ULK4: variants seen among roughly 807,000 people sequenced by gnomAD.
The protein encoded by ULK4 is unc-51 like kinase 4.
ULK4 carries 133 observed loss-of-function variants against 160.6 expected under a neutral mutation model. The observed-to-expected ratio is 0.83, with a 90% CI of 0.72 to 0.96. The LOEUF is 0.96. Among genes scored for constraint, ULK4 ranks in the 40% least tolerant of loss-of-function variants. ULK4 has a pLI of 0.00. For missense variants in ULK4, 1,580 were observed against 1,499.5 expected (o/e 1.05, Z -0.89); for synonymous variants, 534 against 539.8 (o/e 0.99, Z 0.15).
chr3:41,317,906 A>C (rs757421595), intron 35 of ULK4, among the ~76,000 whole-genome samples: 2 of 152,180 alleles, frequency 1.3e-5, no homozygotes, highest in Non-Finnish European at 2.9e-5. Context: ...AGTTGCTGCT[A>C]ATTCTTCTCC....
At chr3:41,771,241 A>C (rs958451434) in intron 21 of ULK4, among the ~76,000 whole-genome samples, 1 of 152,200 alleles carries the variant, frequency 6.6e-6, no homozygotes, top group Non-Finnish European at 1.5e-5. Flanking sequence ...GTAATGTTCA[A>C]AAGTTAATTA....
intron 34 of ULK4, among the ~76,000 whole-genome samples, chr3:41,431,456 T>A (rs1055393408): frequency 2.7e-5 from 4 of 150,314 alleles, no homozygotes; most frequent in Non-Finnish European, 5.9e-5. Context: ...GTAGGGGGTG[T>A]TTAACATATG....
At chr3:41,489,462 G>C (rs1418938093) in intron 32 of ULK4, among the ~76,000 whole-genome samples, 2 of 152,040 alleles carry the variant, frequency 1.3e-5, no homozygotes, top group Non-Finnish European at 2.9e-5. Flanking sequence ...TCATTCTCTT[G>C]CTTGGCCCCA....
At position 41,800,262 on chromosome 3, in the gene ULK4, T is replaced by C; in HGVS notation, c.1880A>G (p.Lys627Arg). 1 of 1,612,840 alleles carries C rather than the reference T, an allele frequency of 6.2e-7. No homozygotes were observed. Among genetic ancestry groups the C allele is most frequent in the Non-Finnish European group, 8.5e-7 (1 of 1,179,686 alleles). Residue 627 changes from lysine to arginine, a missense_variant, in exon 20 of 37, where the codon AAA becomes AGA. Transcript: ENST00000301831. ...GGTGGTACAGACATTTTCAATAATT[T>C]TTGCTGCCATGTGATTCACAACACG... is the stretch of plus-strand genomic sequence containing the variant. ...EERVVNHMAA[K>R]IIENVCTTFS...
chr3:41,331,221 G>T (rs1283105002), intron 35 of ULK4, among the ~76,000 whole-genome samples: 1 of 152,110 alleles, frequency 6.6e-6, no homozygotes, highest in Non-Finnish European at 1.5e-5. Flanking sequence ...TCCAGCTGGG[G>T]GCAGGGAGCA....
At chr3:41,488,886 G>T (rs2084642494) in intron 32 of ULK4, among the ~76,000 whole-genome samples, 1 of 151,944 alleles carries the variant, frequency 6.6e-6, no homozygotes, top group Non-Finnish European at 1.5e-5. Context: ...GAAAATCAAG[G>T]ATATAAAAAA....
rs7610814 is a variant in ULK4, at chr3:41,449,531, A to G, written c.3492+5966T>C. 7.0e-3 allele frequency among the ~76,000 whole-genome samples: 1,064 copies of G among 152,196 alleles called. 12 individuals carry two copies. The highest frequency in any genetic ancestry group is 0.024 in the African/African-American group (1,017 of 41,526). On this transcript the variant is annotated intron_variant, in intron 34 of 36. Coordinates refer to ENST00000301831, the MANE Select transcript of ULK4 (RefSeq NM_017886.4). The stretch of plus-strand genomic sequence containing the variant: ...TAAAATCCCCAATCTCTTGGGTTTG[A>G]CTTGCAAAAAGACTACTACTACCCC...
At chr3:41,672,091 C>T (rs181994611) in intron 29 of ULK4, among the ~76,000 whole-genome samples, 7 of 151,996 alleles carry the variant, frequency 4.6e-5, no homozygotes, top group East Asian at 1.9e-4. Context: ...GGCAAGGATG[C>T]GGAGAAAAGG....
intron 27 of ULK4, among the ~76,000 whole-genome samples, chr3:41,696,652 C>G (rs1443232570): frequency 6.6e-6 from 1 of 152,176 alleles, no homozygotes; most frequent in Non-Finnish European, 1.5e-5. Context: ...GAAAAACCCA[C>G]CGACCCTGTG....
intron 34 of ULK4, among the ~76,000 whole-genome samples, chr3:41,453,665 T>C (rs2083472409): frequency 6.6e-6 from 1 of 152,170 alleles, no homozygotes; most frequent in African/African-American, 2.4e-5. Context: ...GTCACACAGC[T>C]GGTAAGTGGC....
chr3:41,295,263 A>AG lies in ULK4; in HGVS notation c.3679-45690_3679-45689insC, dbSNP rs1317839104. ...ATCCACATGCAAAACATGAATGCAG[A>AG]CACAGATCTTTTACTCTCACAAAAA... On this transcript the variant is annotated intron_variant, in intron 35 of 36. Coordinates refer to ENST00000301831, the MANE Select transcript of ULK4 (RefSeq NM_017886.4). 3.5e-4 allele frequency among the ~76,000 whole-genome samples: 27 copies of AG among 77,828 alleles called. 9 individuals carry two copies. Among genetic ancestry groups the AG allele is most frequent in the South Asian group, 9.1e-4 (2 of 2,190 alleles). The allele number at this position is 77,828 out of a possible 152,430, so 51.1% of individuals were successfully genotyped here. A position where few individuals can be genotyped will look rare whatever the true frequency, so the allele number is the denominator to read the frequency against.
At position 41,394,446 on chromosome 3, in the gene ULK4, CCAAA is replaced by C. The variant is rs919239896; in HGVS notation, c.3678+3629_3678+3632del. 4.6e-5 allele frequency among the ~76,000 whole-genome samples: 7 copies of C among 152,208 alleles called. 1 individual carries two copies. The highest frequency in any genetic ancestry group is 7.2e-5 in the African/African-American group (3 of 41,554). ...AAATGCATTTAGTACACCTAACCTG[CCAAA>C]CATCATGGCCCAGCATACCTTAAAT... On this transcript the variant is annotated intron_variant, in intron 35 of 36. Transcript: ENST00000301831.
At chr3:41,828,326 G>A (rs1328583132) in intron 18 of ULK4, among the ~76,000 whole-genome samples, 4 of 149,454 alleles carry the variant, frequency 2.7e-5, no homozygotes, top group Admixed American at 1.3e-4. Flanking sequence ...AGGAAATAAA[G>A]GGCATTCAAT....
chr3:41,277,577 C>T lies in ULK4; in HGVS notation c.3679-28003G>A, dbSNP rs144625258. Among the ~76,000 whole-genome samples the T allele has an allele frequency of 9.4e-3, 1,292 of 136,990 alleles. 8 individuals carry two copies. The highest frequency in any genetic ancestry group is 0.012 in the Non-Finnish European group (805 of 66,860). The allele number at this position is 136,990 out of a possible 152,430, so 89.9% of individuals were successfully genotyped here. ...CTTTATGATTGAAACTCAGCAAAAG[C>T]GGCATAAAAGGGACATACCTCAATG... On this transcript the variant is annotated intron_variant, in intron 35 of 36. Coordinates refer to ENST00000301831, the MANE Select transcript of ULK4 (RefSeq NM_017886.4).
chr3:41,396,054 ATAACT>A lies in ULK4; in HGVS notation c.3678+2020_3678+2024del, dbSNP rs2082053218. 3.9e-5 allele frequency among the ~76,000 whole-genome samples: 6 copies of A among 152,160 alleles called. No individual in the cohort carries two copies. In the South Asian group the frequency reaches 1.0e-3, roughly 26 times the overall value. On this transcript the variant is annotated intron_variant, in intron 35 of 36. Transcript: ENST00000301831. ...TTTGATCAGTGTTTTAGTAAATAAC[ATAACT>A]TATTTCCATAATATCTGCAATTCTA... is the stretch of plus-strand genomic sequence containing the variant.
chr3:41,480,912 C>G (rs908720764), intron 32 of ULK4, among the ~76,000 whole-genome samples: 10 of 152,116 alleles, frequency 6.6e-5, no homozygotes, highest in Admixed American at 6.5e-5. Flanking sequence ...ATGAGAACAG[C>G]CTGGAGATAA....
rs143166404 is a variant in ULK4, at chr3:41,265,529, C to T, written c.3679-15955G>A. Among the ~76,000 whole-genome samples, 1,096 of 152,282 alleles carry T rather than the reference C, an allele frequency of 7.2e-3. 14 individuals carry two copies. Among genetic ancestry groups the T allele is most frequent in the African/African-American group, 0.025 (1,027 of 41,568 alleles). Reference sequence around the variant, plus strand: ...TAAAATGGAAAGGAAAATTGAAGCACACTTGGTTTACATTATTAAAGCCGT... The same window carrying T: ...TAAAATGGAAAGGAAAATTGAAGCATACTTGGTTTACATTATTAAAGCCGT... On this transcript the variant is annotated intron_variant, in intron 35 of 36. Coordinates refer to ENST00000301831, the MANE Select transcript of ULK4 (RefSeq NM_017886.4).
At chr3:41,595,927 A>C (rs2031657376) in intron 31 of ULK4, among the ~76,000 whole-genome samples, 1 of 152,228 alleles carries the variant, frequency 6.6e-6, no homozygotes, top group Non-Finnish European at 1.5e-5. Context: ...ATAGCTGCAG[A>C]GGGATGTGGG....
intron 35 of ULK4, among the ~76,000 whole-genome samples, chr3:41,342,857 G>C (rs1279049263): frequency 6.6e-6 from 1 of 152,142 alleles, no homozygotes; most frequent in Admixed American, 6.5e-5. Flanking sequence ...CAGGAAGCGA[G>C]GTTGGTTCAA....
Sources: gnomAD v4.1 joint callset for allele counts (sites outside exome capture counted in the v4.1 genomes callset) on GRCh38, gnomAD v4.1.1 for gene constraint, MANE v1.5 for transcripts, NCBI Gene and HGNC (gene_info 2026-07-23, HGNC 2026-07-21) for gene names.